KMT2C: variants seen among roughly 807,000 people sequenced by gnomAD.
KMT2C encodes lysine methyltransferase 2C, also known as histone-lysine N-methyltransferase 2C.
KMT2C carries 88 observed loss-of-function variants against 507.9 expected under a neutral mutation model. The ratio of observed to expected loss-of-function variants is 0.17; its 90% CI spans 0.15 to 0.21. The LOEUF (loss-of-function observed/expected upper bound fraction) is 0.21. Ranked by LOEUF, KMT2C falls within the 10% of genes least tolerant of loss-of-function variation. The pLI, the probability that KMT2C is intolerant of heterozygous loss-of-function variation, is 1.00. For missense variants in KMT2C, 4,954 were observed against 5,957.8 expected (o/e 0.83, Z 5.55); for synonymous variants, 2,049 against 2,080.8 (o/e 0.98, Z 0.42).
chr7:152,295,889 AC>A (rs1336246964), intron 6 of KMT2C, among the ~76,000 whole-genome samples: 3 of 151,228 alleles, frequency 2.0e-5, no homozygotes, highest in Non-Finnish European at 4.4e-5. Context: ...ACACGGTGAA[AC>A]CCCGTCTCTA....
Position 152,162,649 on chromosome 7 carries a change from G to A in KMT2C, c.10928C>T (p.Thr3643Ile), listed in dbSNP as rs587778504. 1.8e-5 allele frequency: 29 copies of A among 1,614,140 alleles called. No homozygotes were observed. The highest frequency in any genetic ancestry group is 2.3e-5 in the Non-Finnish European group (27 of 1,180,060). The change falls in exon 43 of 59, where the codon ACT (threonine) becomes ATT (isoleucine). Residue 3643 changes from threonine to isoleucine, a missense_variant. Thr to Ile is a moderately conservative substitution (Grantham distance 89, BLOSUM62 -1). Coordinates refer to ENST00000262189, the MANE Select transcript of KMT2C (RefSeq NM_170606.3). ...CTCACTGGGTGTGCTCACTGCAGGA[G>A]TAGAGGTAGTTTCTGAGATGCCTGG... ...PTPGISETTSTPAVSTPSELP... is the reference protein window; with the variant it reads ...PTPGISETTSIPAVSTPSELP...
At chr7:152,380,889 A>G (rs922168211) in intron 1 of KMT2C, among the ~76,000 whole-genome samples, 1 of 152,202 alleles carries the variant, frequency 6.6e-6, no homozygotes, top group African/African-American at 2.4e-5. Flanking sequence ...AAAAGCACCG[A>G]AAGGTAAGAC....
rs566533493 is a variant in KMT2C, at chr7:152,313,592, AAAGAC to A, written c.590+1541_590+1545del. 1.7e-3 allele frequency among the ~76,000 whole-genome samples: 266 copies of A among 152,284 alleles called. 1 individual carries two copies. Among genetic ancestry groups the A allele is most frequent in the African/African-American group, 5.9e-3 (244 of 41,578 alleles). ...ATTTTTTTATTTAGTGAAAATGAGC[AAAGAC>A]ATTTTCAAAACCTTTGTAAAATTGT... On this transcript the variant is annotated intron_variant, in intron 4 of 58. Coordinates refer to ENST00000262189, the MANE Select transcript of KMT2C (RefSeq NM_170606.3).
rs182504603 is a variant in KMT2C at position 152,363,255 on chromosome 7, G to A, written c.162-4580C>T. 5.4e-3 allele frequency among the ~76,000 whole-genome samples: 826 copies of A among 152,050 alleles called. 7 individuals carry two copies. The highest frequency in any genetic ancestry group is 0.019 in the African/African-American group (781 of 41,468). On this transcript the variant is annotated intron_variant, in intron 1 of 58. Coordinates refer to ENST00000262189, the MANE Select transcript of KMT2C (RefSeq NM_170606.3). ...TTTAACCCTTCTTTGGGTTTTCTTC[G>A]TTCCCCTCTTTTTCCTGTCTCTTAA...
chr7:152,310,670 TTTG>T (rs1554635282), intron 5 of KMT2C, among the ~76,000 whole-genome samples: 8 of 151,984 alleles, frequency 5.3e-5, no homozygotes, highest in East Asian at 1.9e-4. Context: ...TCTGTTTTTT[TTTG>T]TTGTTGTTGT....
intron 51 of KMT2C, 131 bp downstream of exon 51, chr7:152,150,769 C>G: frequency 4.6e-6 from 3 of 657,800 alleles, no homozygotes; most frequent in Non-Finnish European, 8.0e-6. Context: ...TCTGCCGGGT[C>G]AGCACCTGCT....
chr7:152,240,715 T>C (rs1205632070), intron 14 of KMT2C, among the ~76,000 whole-genome samples: 1 of 152,248 alleles, frequency 6.6e-6, no homozygotes, highest in Non-Finnish European at 1.5e-5. Flanking sequence ...GCTCCTTCAG[T>C]CCTCTCCCCC....
At position 152,145,227 on chromosome 7, in the gene KMT2C, A is replaced by G. The variant is rs758443829; in HGVS notation, c.14100T>C (p.Pro4700=). 5.6e-6 allele frequency: 9 copies of G among 1,614,178 alleles called. No homozygotes were observed. Among genetic ancestry groups the G allele is most frequent in the Admixed American group, 1.7e-5 (1 of 60,030 alleles). The part of the protein sequence containing the change: ...RYGRNPLMEL[P]LAVNPTGCAR... ...CACAACCTGTGGGGTTAACGGCAAG[A>G]GGAAGTTCCATGAGAGGATTTCGGC... Residue 4700 remains proline, a synonymous_variant, in exon 54 of 59, where the codon CCT becomes CCC. Transcript: ENST00000262189.
At chr7:152,217,799 T>C (rs888559794) in intron 23 of KMT2C, among the ~76,000 whole-genome samples, 2 of 152,196 alleles carry the variant, frequency 1.3e-5, no homozygotes, top group African/African-American at 4.8e-5. Context: ...CCAAGGTCTT[T>C]TGTGTTGTTT....
At chr7:152,158,248 C>T (rs1475555612) in intron 44 of KMT2C, among the ~76,000 whole-genome samples, 1 of 152,244 alleles carries the variant, frequency 6.6e-6, no homozygotes, top group Admixed American at 6.5e-5. Flanking sequence ...TCTGTAACAA[C>T]CACAAAGGTG....
intron 1 of KMT2C, among the ~76,000 whole-genome samples, chr7:152,374,137 A>G (rs2097310967): frequency 6.9e-6 from 1 of 145,532 alleles, no homozygotes; most frequent in African/African-American, 2.5e-5. Context: ...ATATGGTGAA[A>G]CCCCGAGATC....
At chr7:152,166,799 A>G (rs1188592238) in intron 42 of KMT2C, among the ~76,000 whole-genome samples, 2 of 152,232 alleles carry the variant, frequency 1.3e-5, no homozygotes, top group Non-Finnish European at 2.9e-5. Flanking sequence ...TCAATGATGT[A>G]TAACAGAAAC....
At chr7:152,235,476 A>C (rs1475320942) in intron 16 of KMT2C, among the ~76,000 whole-genome samples, 1 of 152,078 alleles carries the variant, frequency 6.6e-6, no homozygotes. Context: ...ATATATTTGC[A>C]ATACACATAT....
intron 6 of KMT2C, among the ~76,000 whole-genome samples, chr7:152,295,463 G>C (rs1405861828): frequency 6.6e-6 from 1 of 151,894 alleles, no homozygotes; most frequent in Non-Finnish European, 1.5e-5. Context: ...CCCTGTAAAG[G>C]GTGACCCTCT....
At chr7:152,237,037 G>A (rs377440878) in intron 15 of KMT2C, among the ~76,000 whole-genome samples, 10 of 152,140 alleles carry the variant, frequency 6.6e-5, no homozygotes, top group African/African-American at 2.4e-4. Flanking sequence ...AAGTACCAGA[G>A]TATGGTGTTC....
intron 1 of KMT2C, among the ~76,000 whole-genome samples, chr7:152,372,204 G>A (rs1489543204): frequency 6.6e-6 from 1 of 152,144 alleles, no homozygotes; most frequent in African/African-American, 2.4e-5. Context: ...CGCCCAGACT[G>A]GACTGCGATG....
intron 9 of KMT2C, among the ~76,000 whole-genome samples, chr7:152,255,610 C>T (rs934199129): frequency 6.6e-6 from 1 of 151,954 alleles, no homozygotes; most frequent in African/African-American, 2.4e-5. Context: ...CTGAAGGGGC[C>T]CAACATTACC....
At chr7:152,369,322 CAAAAAAAAACAAAAACAA>C (rs751483144) in intron 1 of KMT2C, among the ~76,000 whole-genome samples, 59 of 127,298 alleles carry the variant, frequency 4.6e-4, no homozygotes, top group Non-Finnish European at 1.3e-4. Flanking sequence ...GGCCCTGTCT[CAAAAAAAAACAAAAACAA>C]AAAAAAAAAC....
chr7:152,435,607 TC>T lies in KMT2C; in HGVS notation c.161+18del. ...CGCCGCCGCTGGCTCCCGGCCTGGC[TC>T]CCTCGCACTCAACTTACTTCTTTCT... On this transcript the variant is annotated intron_variant, in intron 1 of 58. Transcript: ENST00000262189. The T allele has an allele frequency of 7.0e-7, 1 of 1,423,614 alleles. No individual in the cohort carries two copies. Among genetic ancestry groups the T allele is most frequent in the Non-Finnish European group, 9.3e-7 (1 of 1,074,168 alleles). The allele number at this position is 1,423,614 out of a possible 1,614,324, so 88.2% of individuals were successfully genotyped here. A position where few individuals can be genotyped will look rare whatever the true frequency, so the allele number is the denominator to read the frequency against.
Sources: gnomAD v4.1 joint callset for allele counts (sites outside exome capture counted in the v4.1 genomes callset) on GRCh38, gnomAD v4.1.1 for gene constraint, MANE v1.5 for transcripts, NCBI Gene and HGNC (gene_info 2026-07-23, HGNC 2026-07-21) for gene names.